The following ZZZ3 variants were observed in gnomAD, a reference collection of about 807,000 sequenced individuals.
ZZZ3 encodes the protein ZZ-type zinc finger-containing protein 3.
A neutral mutation model predicts 95.2 loss-of-function variants in ZZZ3; 22 were observed. That is an observed-to-expected ratio of 0.23 (90% confidence interval 0.17 to 0.33). ZZZ3 has a LOEUF of 0.33. Ranked by LOEUF, ZZZ3 falls within the 10% of genes least tolerant of loss-of-function variation. The pLI is 1.00. For synonymous variants in ZZZ3, 335 were observed against 358.9 expected, an observed-to-expected ratio of 0.93 and a Z score of 0.75; for missense variants, 885 against 1,066.5, an observed-to-expected ratio of 0.83 and a Z score of 2.37.
intron 12 of ZZZ3, among the ~76,000 whole-genome samples, chr1:77,573,456 T>C (rs1299452006): frequency 2.0e-5 from 3 of 152,198 alleles, no homozygotes; most frequent in Non-Finnish European, 4.4e-5. Flanking sequence ...TTTACTGATG[T>C]GATTACACAT....
intron 5 of ZZZ3, among the ~76,000 whole-genome samples, chr1:77,621,943 TTCCC>T (rs1182474819): frequency 4.5e-4 from 69 of 152,320 alleles, no homozygotes; most frequent in Non-Finnish European, 1.2e-4. Context: ...AACATGATCC[TTCCC>T]TCCAACTAAA....
Position 77,641,380 on chromosome 1 carries a change from T to A in ZZZ3, c.-206+4A>T. On this transcript the variant is annotated splice_donor_region_variant and intron_variant, in intron 3 of 14. Transcript: ENST00000370801. The stretch of plus-strand genomic sequence containing the variant: ...ACTGTTATTTTCACAGAACTGATAC[T>A]TACAGCTGAGCTCTATCAGCATTAA... The A allele has an allele frequency of 2.5e-6, 1 of 392,356 alleles. No individual in the cohort carries two copies. Among genetic ancestry groups the A allele is most frequent in the Non-Finnish European group, 4.5e-6 (1 of 222,448 alleles). The allele number at this position is 392,356 out of a possible 1,614,324, so 24.3% of individuals were successfully genotyped here.
chr1:77,580,939 T>C (rs775708509), intron 9 of ZZZ3, 59 bp downstream of exon 9: 56 of 1,438,980 alleles, frequency 3.9e-5, no homozygotes, highest in Non-Finnish European at 5.2e-5. Flanking sequence ...TAATACTGAC[T>C]CTGATGTTAA....
intron 8 of ZZZ3, 131 bp from the exon 9 acceptor site, chr1:77,581,200 T>A: frequency 1.4e-6 from 1 of 723,754 alleles, no homozygotes; most frequent in Non-Finnish European, 2.3e-6. Context: ...TTTTTTAATG[T>A]ATATGCTTTT....
chr1:77,594,945 A>T (rs1664083346), intron 5 of ZZZ3, among the ~76,000 whole-genome samples: 1 of 150,354 alleles, frequency 6.7e-6, no homozygotes, highest in South Asian at 2.1e-4. Flanking sequence ...AAAAAAAAAA[A>T]TTGTGGTCCT....
rs922631496 is a variant in ZZZ3, at chr1:77,574,199, T to C, written c.2331+1869A>G. On this transcript the variant is annotated intron_variant, in intron 12 of 14. Coordinates refer to ENST00000370801, the MANE Select transcript of ZZZ3 (RefSeq NM_015534.6). ...AGATTTATATAGATATATCTATATA[T>C]ATGGCAAAATAAAGAACTGAAAAAC... Among the ~76,000 whole-genome samples the C allele has an allele frequency of 6.0e-5, 9 of 148,940 alleles. 1 individual carries two copies. The South Asian group carries it at 1.9e-3, about 31-fold the overall frequency.
rs1660609232 is a variant in ZZZ3 at position 77,563,806 on chromosome 1, G to A, written c.*1834C>T. 6.6e-6 allele frequency: 1 copy of A among 152,110 alleles called. No individual in the cohort carries two copies. Among genetic ancestry groups the A allele is most frequent in the Non-Finnish European group, 1.5e-5 (1 of 68,004 alleles). The allele number at this position is 152,110 out of a possible 1,614,324, so 9.4% of individuals were successfully genotyped here. A position where few individuals can be genotyped will look rare whatever the true frequency, so the allele number is the denominator to read the frequency against. ...CCCACTAATAATTCCAGGGTGAGAA[G>A]TTAAGCTCAAGTCCATTTACTTTCC... is the stretch of plus-strand genomic sequence containing the variant. On this transcript the variant is annotated 3_prime_UTR_variant, in exon 15 of 15. Coordinates refer to ENST00000370801, the MANE Select transcript of ZZZ3 (RefSeq NM_015534.6).
intron 10 of ZZZ3, among the ~76,000 whole-genome samples, chr1:77,579,294 A>C (rs1003037770): frequency 1.3e-5 from 2 of 152,248 alleles, no homozygotes; most frequent in African/African-American, 4.8e-5. Context: ...AGAGAAATTA[A>C]GTCCATTATA....
intron 4 of ZZZ3, among the ~76,000 whole-genome samples, chr1:77,639,105 G>T (rs768750106): frequency 2.6e-5 from 4 of 151,830 alleles, no homozygotes; most frequent in Non-Finnish European, 5.9e-5. Context: ...GCAGATAAGC[G>T]GACAGTCAGA....
rs761296461 is a variant in ZZZ3 at position 77,680,949 on chromosome 1, T to C, written c.-403+1636A>G. On this transcript the variant is annotated intron_variant, in intron 1 of 14. Transcript: ENST00000370801. ...AAATCAACTTTACTGCAAAAATAAG[T>C]TACTTGTGATATTTTCACAAGATTA... 7.9e-4 allele frequency among the ~76,000 whole-genome samples: 120 copies of C among 152,292 alleles called. 1 individual carries two copies. The highest frequency in any genetic ancestry group is 1.4e-3 in the Non-Finnish European group (96 of 68,014).
At chr1:77,613,778 A>G (rs1017268653) in intron 5 of ZZZ3, among the ~76,000 whole-genome samples, 1 of 152,162 alleles carries the variant, frequency 6.6e-6, no homozygotes, top group Non-Finnish European at 1.5e-5. Flanking sequence ...TAAACAAGTT[A>G]TATCCTACAT....
At chr1:77,597,547 C>G (rs1570462359) in intron 5 of ZZZ3, among the ~76,000 whole-genome samples, 1 of 152,020 alleles carries the variant, frequency 6.6e-6, no homozygotes, top group Admixed American at 6.6e-5. Context: ...ACATCAATAG[C>G]AATAAATCTT....
At chr1:77,601,854 G>A (rs888108183) in intron 5 of ZZZ3, among the ~76,000 whole-genome samples, 1 of 152,052 alleles carries the variant, frequency 6.6e-6, no homozygotes, top group African/African-American at 2.4e-5. Context: ...GGTTTCAAGG[G>A]TGGATTTGAA....
At chr1:77,634,735 A>T (rs1197416059) in intron 4 of ZZZ3, among the ~76,000 whole-genome samples, 1 of 152,144 alleles carries the variant, frequency 6.6e-6, no homozygotes, top group African/African-American at 2.4e-5. Context: ...AGGGATATAG[A>T]AAAATGCCTT....
chr1:77,578,748 G>A (rs184988645), intron 11 of ZZZ3, 26 bp downstream of exon 11: 5 of 1,324,772 alleles, frequency 3.8e-6, no homozygotes, highest in African/African-American at 3.0e-5. Context: ...TTAATCTACA[G>A]TTTACTTTCA....
chr1:77,627,764 T>C (rs1667456071), intron 5 of ZZZ3, among the ~76,000 whole-genome samples: 2 of 152,174 alleles, frequency 1.3e-5, no homozygotes, highest in African/African-American at 2.4e-5. Flanking sequence ...CTGGTATAAA[T>C]GTTAGCAATC....
In ZZZ3 at chr1:77,568,389, C is replaced by T. The variant is rs1661033360; in HGVS notation, c.2409G>A (p.Lys803=). 2 of 1,591,334 alleles carry T rather than the reference C, an allele frequency of 1.3e-6. No homozygotes were observed. The highest frequency in any genetic ancestry group is 1.7e-6 in the Non-Finnish European group (2 of 1,170,136). The stretch of plus-strand genomic sequence containing the variant: ...CAGCTTGCATTTGCTGAAGTTTCTG[C>T]TTCTTTAACTTTTTAAACTGTAATA... ...KELLQFKKLK[K]QKLQQMQAES... is the part of the protein sequence containing the mutation. Residue 803 remains lysine (K), a synonymous_variant, in exon 13 of 15, where the codon AAG becomes AAA. Transcript: ENST00000370801.
chr1:77,573,624 C>T lies in ZZZ3; in HGVS notation c.2331+2444G>A, dbSNP rs187059461. Among the ~76,000 whole-genome samples the T allele has an allele frequency of 3.7e-3, 563 of 152,220 alleles. 9 individuals are homozygous for T. Among genetic ancestry groups the T allele is most frequent in the African/African-American group, 0.013 (537 of 41,552 alleles). On this transcript the variant is annotated intron_variant, in intron 12 of 14. Transcript: ENST00000370801. The stretch of plus-strand genomic sequence containing the variant: ...AATAATCACAAAGTATGAAATTATA[C>T]ACAAATGCTGTTTAAAACACAGCAA...
At position 77,568,334 on chromosome 1, in the gene ZZZ3, T is replaced by A. The variant is rs757877248; in HGVS notation, c.2464A>T (p.Lys822Ter). The A allele has an allele frequency of 6.3e-7, 1 of 1,578,562 alleles. No homozygotes were observed. Among genetic ancestry groups the A allele is most frequent in the Admixed American group, 2.0e-5 (1 of 49,296 alleles). ...ESGFVQHVGF[K>*]CDNCGIEPIQ... Reference sequence around the variant, plus strand: ...TCCTAAAATTAAATAGAACTTACCTTAAAGCCCACATGTTGCACAAATCCA... The same window carrying A: ...TCCTAAAATTAAATAGAACTTACCTAAAAGCCCACATGTTGCACAAATCCA... The change falls in exon 13 of 15, where the codon AAG (lysine) becomes TAG (stop). Residue 822 changes from lysine (K) to a stop codon, truncating the protein, a stop_gained and splice_region_variant. Coordinates refer to ENST00000370801, the MANE Select transcript of ZZZ3 (RefSeq NM_015534.6). LOFTEE classifies it high-confidence loss of function.
Sources: allele counts gnomAD v4.1 joint callset (sites outside exome capture counted in the v4.1 genomes callset), GRCh38; gene constraint gnomAD v4.1.1; transcripts MANE v1.5; gene names NCBI Gene and HGNC (gene_info 2026-07-23, HGNC 2026-07-21).